The following ATP2A1 variants were observed in gnomAD, a reference collection of about 807,000 sequenced individuals.
The protein encoded by ATP2A1 is ATPase sarcoplasmic/endoplasmic reticulum Ca2+ transporting 1, also known as sarcoplasmic/endoplasmic reticulum calcium ATPase 1.
ATP2A1 carries 83 observed loss-of-function variants against 109.5 expected under a neutral mutation model. The ratio of observed to expected loss-of-function variants is 0.76; its 90% CI spans 0.63 to 0.91. ATP2A1 has a LOEUF of 0.91. Among genes scored for constraint, ATP2A1 ranks in the 40% least tolerant of loss-of-function variants. The pLI is 0.00. For missense variants in ATP2A1, 1,101 were observed against 1,341.0 expected, an observed-to-expected ratio of 0.82 and a Z score of 2.80; for synonymous variants, 505 against 537.6, an observed-to-expected ratio of 0.94 and a Z score of 0.84.
chr16:28,894,938 C>T lies in ATP2A1; in HGVS notation c.1404C>T (p.Ala468=), dbSNP rs1298444956. The change falls in exon 12 of 23, where the codon GCC becomes GCT. Residue 468 remains alanine (A), a synonymous_variant. Coordinates refer to ENST00000395503, the MANE Select transcript of ATP2A1 (RefSeq NM_004320.6). ...DVRSLSKVER[A]NACNSVIRQL... is the part of the protein sequence containing the mutation. ...GAAGCCTCTCGAAGGTGGAGAGAGCCAACGCCTGCAACTCGGTGAGCCTGC... is the reference window on the plus strand; with the variant it reads ...GAAGCCTCTCGAAGGTGGAGAGAGCTAACGCCTGCAACTCGGTGAGCCTGC... The T allele has an allele frequency of 2.5e-6, 4 of 1,611,972 alleles. No homozygotes were observed. The highest frequency in any genetic ancestry group is 3.4e-6 in the Non-Finnish European group (4 of 1,180,012).
At chr16:28,887,089 T>G (rs1567482234) in intron 6 of ATP2A1, 100 bp from the exon 7 acceptor site, 1 of 1,287,270 alleles carries the variant, frequency 7.8e-7, no homozygotes, top group East Asian at 2.3e-5. Flanking sequence ...ACTTGGTCCT[T>G]ACCAGGAGCT....
chr16:28,894,656 G>C (rs745636702), intron 11 of ATP2A1, 49 bp downstream of exon 11: 2 of 1,605,018 alleles, frequency 1.2e-6, no homozygotes, highest in Non-Finnish European at 1.7e-6. Flanking sequence ...GGCCTCCTCC[G>C]AAGGCCAGGA....
intron 6 of ATP2A1, 150 bp from the exon 7 acceptor site, chr16:28,887,039 A>G: frequency 1.4e-6 from 1 of 736,054 alleles, no homozygotes; most frequent in Non-Finnish European, 2.4e-6. Context: ...AGCTGCCTTC[A>G]GTGGCTTCTT....
Position 28,900,812 on chromosome 16 carries a change from C to G in ATP2A1, c.1996C>G (p.Gln666Glu), listed in dbSNP as rs1472895266. The G allele has an allele frequency of 6.2e-7, 1 of 1,614,202 alleles. No homozygotes were observed. The highest frequency in any genetic ancestry group is 8.5e-7 in the Non-Finnish European group (1 of 1,180,052). The change falls in exon 15 of 23, where the codon CAG (glutamine) becomes GAG (glutamate). Residue 666 changes from glutamine to glutamate, a missense_variant. Physicochemically the swap from Gln to Glu is conservative, Grantham distance 29 (BLOSUM62 2). Coordinates refer to ENST00000395503, the MANE Select transcript of ATP2A1 (RefSeq NM_004320.6). ...GTTCGACGACCTGCCCCTGGCTGAACAGCGGGAAGCCTGCCGACGTGCCTG... is the reference window on the plus strand; with the variant it reads ...GTTCGACGACCTGCCCCTGGCTGAAGAGCGGGAAGCCTGCCGACGTGCCTG... ...REFDDLPLAE[Q>E]REACRRACCF...
At position 28,898,545 on chromosome 16, in the gene ATP2A1, C is replaced by A; in HGVS notation, c.1764+94C>A. 1.4e-6 allele frequency: 2 copies of A among 1,384,184 alleles called. No homozygotes were observed. The highest frequency in any genetic ancestry group is 2.0e-6 in the Non-Finnish European group (2 of 1,001,648). 85.7% of individuals were successfully genotyped at this position (1,384,184 alleles called of 1,614,324 possible). A position where few individuals can be genotyped will look rare whatever the true frequency, so the allele number is the denominator to read the frequency against. ...GCTCCACCACCCGGATCATTTCCTA[C>A]CTCGTCAGTCAAGTTGATGGCTCCT... On this transcript the variant is annotated intron_variant, in intron 14 of 22. Transcript: ENST00000395503. The surrounding 1 kb of genome is among the most constrained non-coding windows in gnomAD (Gnocchi z 4.0).
chr16:28,899,648 C>A lies in ATP2A1; in HGVS notation c.1765-933C>A, dbSNP rs1166640811. ...AGCGAGACTCCATCCCCTGCGCCCG[C>A]CCCCCCCCCCCCGAAAAAGACACAA... On this transcript the variant is annotated intron_variant, in intron 14 of 22. Coordinates refer to ENST00000395503, the MANE Select transcript of ATP2A1 (RefSeq NM_004320.6). Among the ~76,000 whole-genome samples the A allele has an allele frequency of 1.0e-4, 2 of 19,104 alleles. 1 individual carries two copies. Among genetic ancestry groups the A allele is most frequent in the South Asian group, 0.012 (2 of 162 alleles). 12.5% of individuals were successfully genotyped at this position (19,104 alleles called of 152,430 possible). A position where few individuals can be genotyped will look rare whatever the true frequency, so the allele number is the denominator to read the frequency against.
chr16:28,901,175 C>G (rs1738220355), intron 15 of ATP2A1, among the ~76,000 whole-genome samples: 1 of 151,190 alleles, frequency 6.6e-6, no homozygotes, highest in South Asian at 2.1e-4. Flanking sequence ...TAAAACAAAA[C>G]TTTAAAAATA....
At chr16:28,879,210 C>T (rs1473132387) in intron 2 of ATP2A1, 94 bp downstream of exon 2, 2 of 1,471,346 alleles carry the variant, frequency 1.4e-6, no homozygotes, top group Non-Finnish European at 1.9e-6. Context: ...ATTCTTTGAG[C>T]AAATATCCCT....
In ATP2A1 at chr16:28,901,952, C is replaced by G. The variant is rs1596686635; in HGVS notation, c.2190C>G (p.Ala730=). ...CTGGCACTGCCGTGGCCAAGACTGCCTCTGAGATGGTGCTGGCTGACGACA... is the reference window on the plus strand; with the variant it reads ...CTGGCACTGCCGTGGCCAAGACTGCGTCTGAGATGGTGCTGGCTGACGACA... ...MGSGTAVAKT[A]SEMVLADDNF... is the part of the protein sequence containing the mutation. Residue 730 remains alanine (A), a synonymous_variant, in exon 16 of 23, where the codon GCC becomes GCG. Coordinates refer to ENST00000395503, the MANE Select transcript of ATP2A1 (RefSeq NM_004320.6). 6.2e-7 allele frequency: 1 copy of G among 1,614,264 alleles called. No homozygotes were observed. The highest frequency in any genetic ancestry group is 1.7e-5 in the Admixed American group (1 of 60,032).
In ATP2A1 at chr16:28,880,137, G is replaced by A; in HGVS notation, c.219+554G>A. 1.0e-6 allele frequency: 1 copy of A among 996,658 alleles called. No individual in the cohort carries two copies. Among genetic ancestry groups the A allele is most frequent in the Non-Finnish European group, 1.2e-6 (1 of 838,638 alleles). The allele number at this position is 996,658 out of a possible 1,614,324, so 61.7% of individuals were successfully genotyped here. A position where few individuals can be genotyped will look rare whatever the true frequency, so the allele number is the denominator to read the frequency against. On this transcript the variant is annotated intron_variant, in intron 3 of 22. Transcript: ENST00000395503. This position sits in a 1 kb window ranked among gnomAD's most constrained non-coding sequence, Gnocchi z 4.2. ...CATCCCTCATTACCCGCCCAGCCTG[G>A]CCTTAGCCCTTCCCCGCGCTCCCTA...
chr16:28,884,823 C>G (rs943214882), intron 6 of ATP2A1, among the ~76,000 whole-genome samples, 168 bp downstream of exon 6: 1 of 152,176 alleles, frequency 6.6e-6, no homozygotes, highest in Non-Finnish European at 1.5e-5. Flanking sequence ...TGTTGAGTGC[C>G]TGTAGTCCTG....
chr16:28,878,622 G>C lies in ATP2A1; in HGVS notation c.-50G>C, dbSNP rs531764634. The C allele has an allele frequency of 6.7e-7, 1 of 1,494,664 alleles. No individual in the cohort carries two copies. Among genetic ancestry groups the C allele is most frequent in the South Asian group, 1.2e-5 (1 of 83,788 alleles). The allele number at this position is 1,494,664 out of a possible 1,614,324, so 92.6% of individuals were successfully genotyped here. On this transcript the variant is annotated 5_prime_UTR_variant, in exon 1 of 23. Transcript: ENST00000395503. ...ACTGAGGAAGACCCCCCACGAGTGGGAACCCCCTGGAAGGAACACACCGGC... is the reference window on the plus strand; with the variant it reads ...ACTGAGGAAGACCCCCCACGAGTGGCAACCCCCTGGAAGGAACACACCGGC...
rs1963688577 is a variant in ATP2A1, at chr16:28,888,796, C to T, written c.938C>T (p.Ala313Val). 6.2e-7 allele frequency: 1 copy of T among 1,611,566 alleles called. No individual in the cohort carries two copies. Among genetic ancestry groups the T allele is most frequent in the Non-Finnish European group, 8.5e-7 (1 of 1,178,700 alleles). Reference sequence around the variant, plus strand: ...CCCTCCCTCCCCACAGGTCTTCCTGCAGTCATCACCACCTGCCTGGCCCTG... The same window carrying T: ...CCCTCCCTCCCCACAGGTCTTCCTGTAGTCATCACCACCTGCCTGGCCCTG... The part of the protein sequence containing the change: ...AVAAIPEGLP[A>V]VITTCLALGT... The change falls in exon 9 of 23, where the codon GCA becomes GTA. Residue 313 changes from alanine to valine, a missense_variant. By Grantham distance (64) the Ala-to-Val change is moderately conservative (BLOSUM62 0). Coordinates refer to ENST00000395503, the MANE Select transcript of ATP2A1 (RefSeq NM_004320.6).
Position 28,900,695 on chromosome 16 carries a change from GACA to G in ATP2A1, c.1884_1886del (p.Asn628del). 5 of 1,613,984 alleles carry G rather than the reference GACA, an allele frequency of 3.1e-6. No homozygotes were observed. The highest frequency in any genetic ancestry group is 4.2e-6 in the Non-Finnish European group (5 of 1,179,862). On this transcript the variant is annotated inframe_deletion, in exon 15 of 23. Coordinates refer to ENST00000395503, the MANE Select transcript of ATP2A1 (RefSeq NM_004320.6). ...GATCCGGGTGATCATGATCACTGGG[GACA>G]ACAAGGGCACAGCCATTGCCATCTG...
chr16:28,886,501 C>T (rs1963616716), intron 6 of ATP2A1, among the ~76,000 whole-genome samples: 1 of 151,850 alleles, frequency 6.6e-6, no homozygotes, highest in African/African-American at 2.4e-5. Flanking sequence ...AGTGTAGGTC[C>T]CCCTTCCTCC....
At chr16:28,894,712 A>G (rs1963868738) in intron 11 of ATP2A1, 105 bp downstream of exon 11, 3 of 1,592,776 alleles carry the variant, frequency 1.9e-6, no homozygotes, top group Non-Finnish European at 2.6e-6. Flanking sequence ...GCCCTCTGCC[A>G]GGGTGCAAGG....
intron 9 of ATP2A1, among the ~76,000 whole-genome samples, chr16:28,893,572 GT>G (rs1229296398): frequency 1.3e-5 from 2 of 151,512 alleles, no homozygotes; most frequent in East Asian, 3.9e-4. Context: ...ATACCTTATT[GT>G]GTTCCATCTT....
chr16:28,880,794 C>T lies in ATP2A1; in HGVS notation c.220-121C>T, dbSNP rs1411354926. ...GGGGCCACAGCGCCCCGACGGTGCCCGGCCCTCCTGCTGGCTCCTGCACTC... is the reference window on the plus strand; with the variant it reads ...GGGGCCACAGCGCCCCGACGGTGCCTGGCCCTCCTGCTGGCTCCTGCACTC... On this transcript the variant is annotated intron_variant, in intron 3 of 22. Coordinates refer to ENST00000395503, the MANE Select transcript of ATP2A1 (RefSeq NM_004320.6). This position sits in a 1 kb window ranked among gnomAD's most constrained non-coding sequence, Gnocchi z 4.2. The T allele has an allele frequency of 3.1e-6, 3 of 975,092 alleles. No individual in the cohort carries two copies. The highest frequency in any genetic ancestry group is 2.5e-5 in the East Asian group (1 of 40,748). 60.4% of individuals were successfully genotyped at this position (975,092 alleles called of 1,614,324 possible).
chr16:28,894,999 T>A (rs2152209766), intron 12 of ATP2A1, 46 bp downstream of exon 12: 1 of 1,605,316 alleles, frequency 6.2e-7, no homozygotes, highest in Non-Finnish European at 8.5e-7. Flanking sequence ...CACTCTATGC[T>A]GCATAGACTA....
Sources: allele counts gnomAD v4.1 joint callset (sites outside exome capture counted in the v4.1 genomes callset), GRCh38; gene constraint gnomAD v4.1.1; non-coding constraint Gnocchi (gnomAD v3.1); transcripts MANE v1.5; gene names NCBI Gene and HGNC (gene_info 2026-07-23, HGNC 2026-07-21).